The following CCDC83 variants were observed in gnomAD, a reference collection of about 807,000 sequenced individuals.
CCDC83 encodes coiled-coil domain-containing protein 83.
Under a neutral mutation model 50.1 loss-of-function variants are expected in CCDC83, and 54 were observed. That is an observed-to-expected ratio of 1.08 (90% CI 0.87 to 1.35). The LOEUF is 1.35. Ranked by LOEUF, CCDC83 falls within the 40% of genes most tolerant of loss-of-function variation. The pLI is 0.00. For synonymous variants in CCDC83, 161 were observed against 153.3 expected (o/e 1.05, Z -0.37); for missense variants, 518 against 473.9 (o/e 1.09, Z -0.86).
Position 85,857,448 on chromosome 11 carries a change from C to T in CCDC83, c.-29+1864C>T, listed in dbSNP as rs529339143. The stretch of plus-strand genomic sequence containing the variant: ...CCAAGCAGACATTATACTTCAAAGA[C>T]GGCCTCCTCAACGTGATTCTGGATG... On this transcript the variant is annotated intron_variant, in intron 1 of 10. Transcript: ENST00000342404. Among the ~76,000 whole-genome samples the T allele has an allele frequency of 2.6e-5, 4 of 152,292 alleles. No homozygotes were observed. The South Asian group carries it at 6.2e-4, about 24-fold the overall frequency.
At chr11:85,895,028 T>G (rs1368456018) in intron 5 of CCDC83, among the ~76,000 whole-genome samples, 1 of 152,202 alleles carries the variant, frequency 6.6e-6, no homozygotes, top group Admixed American at 6.5e-5. Flanking sequence ...GTCTATCAAC[T>G]TTCTGAGCCC....
At chr11:85,868,098 T>C (rs1259940767) in intron 2 of CCDC83, among the ~76,000 whole-genome samples, 1 of 152,230 alleles carries the variant, frequency 6.6e-6, no homozygotes, top group Non-Finnish European at 1.5e-5. Context: ...TAATTCATGG[T>C]TTTTGAGCAA....
chr11:85,917,231 AAAAG>A (rs1554986961), intron 10 of CCDC83, among the ~76,000 whole-genome samples: 3 of 134,194 alleles, frequency 2.2e-5, no homozygotes, highest in South Asian at 2.4e-4. Flanking sequence ...AGAAAGAAAG[AAAAG>A]AAAGAAAGAG....
At chr11:85,902,519 CT>C (rs1357953257) in intron 7 of CCDC83, among the ~76,000 whole-genome samples, 2 of 152,178 alleles carry the variant, frequency 1.3e-5, no homozygotes, top group African/African-American at 4.8e-5. Flanking sequence ...TGAAACTGAT[CT>C]CAATTCCAGG....
intron 1 of CCDC83, among the ~76,000 whole-genome samples, chr11:85,861,560 T>C (rs1180867999): frequency 2.0e-5 from 3 of 152,210 alleles, no homozygotes; most frequent in Admixed American, 6.5e-5. Flanking sequence ...TTAATCTACA[T>C]TGTATGTAAA....
At chr11:85,868,892 T>A (rs2093222235) in intron 2 of CCDC83, among the ~76,000 whole-genome samples, 1 of 152,224 alleles carries the variant, frequency 6.6e-6, no homozygotes, top group African/African-American at 2.4e-5. Flanking sequence ...GTGTGCTTCA[T>A]TCTCCCTCAA....
At chr11:85,855,366 C>G (rs1019051851), upstream of CCDC83, 1 of 152,598 alleles carries the variant, frequency 6.6e-6, no homozygotes, top group African/African-American at 2.4e-5. Flanking sequence ...GCCTGGGGGT[C>G]GCGCCCTCCT....
In CCDC83 at chr11:85,902,358, T is replaced by C. The variant is rs115696667; in HGVS notation, c.672+3343T>C. 3.8e-3 allele frequency among the ~76,000 whole-genome samples: 578 copies of C among 152,326 alleles called. 6 individuals carry two copies. Among genetic ancestry groups the C allele is most frequent in the African/African-American group, 0.014 (565 of 41,576 alleles). On this transcript the variant is annotated intron_variant, in intron 7 of 10. Coordinates refer to ENST00000342404, the MANE Select transcript of CCDC83 (RefSeq NM_001286159.2). The stretch of plus-strand genomic sequence containing the variant: ...GGCTCAGAATACTTCTCATGTTTTC[T>C]CAAGAATTTACTTAACCATGTATGT...
At position 85,891,762 on chromosome 11, in the gene CCDC83, C is replaced by T. The variant is rs189378511; in HGVS notation, c.512-3531C>T. Among the ~76,000 whole-genome samples, 42 of 152,216 alleles carry T rather than the reference C, an allele frequency of 2.8e-4. No homozygotes were observed. The East Asian group carries it at 5.2e-3, about 19-fold the overall frequency. ...TTGCTTTTCCATGTCTTGTCTAATC[C>T]TTACAAGTTCCTTTGAGTTAGATAT... On this transcript the variant is annotated intron_variant, in intron 5 of 10. Coordinates refer to ENST00000342404, the MANE Select transcript of CCDC83 (RefSeq NM_001286159.2).
At chr11:85,890,378 G>C (rs543928947) in intron 5 of CCDC83, among the ~76,000 whole-genome samples, 4 of 152,308 alleles carry the variant, frequency 2.6e-5, no homozygotes, top group African/African-American at 9.6e-5. Flanking sequence ...TCTTGCTGGA[G>C]ACAGCTGACT....
intron 2 of CCDC83, among the ~76,000 whole-genome samples, chr11:85,870,340 A>G (rs2093229921): frequency 6.6e-6 from 1 of 152,238 alleles, no homozygotes; most frequent in Non-Finnish European, 1.5e-5. Context: ...AATGAAGACC[A>G]CATCTTGAGA....
At chr11:85,900,770 C>A (rs7926846) in intron 7 of CCDC83, among the ~76,000 whole-genome samples, 42,364 of 152,024 alleles carry the variant, frequency 0.28, 6,254 homozygotes, top group Middle Eastern at 0.3. Flanking sequence ...TGTTAGTATA[C>A]TCAAAATAAT....
At chr11:85,899,329 A>G (rs771135414) in intron 7 of CCDC83, among the ~76,000 whole-genome samples, 5 of 152,218 alleles carry the variant, frequency 3.3e-5, no homozygotes, top group Non-Finnish European at 7.3e-5. Context: ...GGGCAAGTCT[A>G]AAGGACCATT....
intron 3 of CCDC83, among the ~76,000 whole-genome samples, chr11:85,877,077 C>T (rs548298941): frequency 9.9e-5 from 15 of 152,258 alleles, no homozygotes; most frequent in Admixed American, 2.6e-4. Context: ...CTGTCAAATG[C>T]TATCAGACAC....
At chr11:85,903,060 C>G (rs2093409249) in intron 7 of CCDC83, among the ~76,000 whole-genome samples, 1 of 151,866 alleles carries the variant, frequency 6.6e-6, no homozygotes, top group Non-Finnish European at 1.5e-5. Flanking sequence ...GGTGAAACCC[C>G]CATCTCTACT....
chr11:85,875,253 A>T (rs564682357), intron 3 of CCDC83, among the ~76,000 whole-genome samples: 7 of 152,326 alleles, frequency 4.6e-5, no homozygotes, highest in African/African-American at 1.4e-4. Flanking sequence ...TAGGTGAAGG[A>T]TGAGGACCAA....
intron 2 of CCDC83, 40 bp from the exon 3 acceptor site, chr11:85,873,171 A>T (rs745368684): frequency 2.8e-6 from 3 of 1,088,696 alleles, no homozygotes; most frequent in Middle Eastern, 2.1e-4. Flanking sequence ...ATTTCCTAAG[A>T]TAAATGATTC....
intron 7 of CCDC83, among the ~76,000 whole-genome samples, chr11:85,903,573 T>C (rs979646580): frequency 5.3e-5 from 8 of 152,044 alleles, no homozygotes; most frequent in African/African-American, 1.9e-4. Context: ...ACAGTGCTGG[T>C]ATTACAGGCG....
At chr11:85,907,461 G>A (rs940319646) in intron 7 of CCDC83, among the ~76,000 whole-genome samples, 2 of 152,154 alleles carry the variant, frequency 1.3e-5, no homozygotes, top group African/African-American at 2.4e-5. Context: ...GGAGACATAA[G>A]GCTAACTTGG....
Sources: gnomAD v4.1 joint callset for allele counts (sites outside exome capture counted in the v4.1 genomes callset) on GRCh38, gnomAD v4.1.1 for gene constraint, MANE v1.5 for transcripts, NCBI Gene and HGNC (gene_info 2026-07-23, HGNC 2026-07-21) for gene names.